The following UBR3 variants were observed in gnomAD, a reference collection of about 807,000 sequenced individuals.
UBR3 encodes the protein ubiquitin protein ligase E3 component n-recognin 3, also known as E3 ubiquitin-protein ligase UBR3.
Under a neutral mutation model 243.2 loss-of-function variants are expected in UBR3, and 85 were observed. That is an observed-to-expected ratio of 0.35 (90% CI 0.29 to 0.42). The LOEUF is 0.42. Among genes scored for constraint, UBR3 ranks in the 10% least tolerant of loss-of-function variants. UBR3 has a pLI of 1.00. For missense variants in UBR3, 1,686 were observed against 2,300.8 expected, an observed-to-expected ratio of 0.73 and a Z score of 5.47; for synonymous variants, 748 against 799.8, an observed-to-expected ratio of 0.94 and a Z score of 1.09.
chr2:169,883,370 C>T (rs995673051), intron 5 of UBR3, among the ~76,000 whole-genome samples: 2 of 152,136 alleles, frequency 1.3e-5, no homozygotes, highest in African/African-American at 2.4e-5. Context: ...TTCTCCCAGG[C>T]CAACAGCCCA....
At chr2:169,939,434 A>ATT (rs35441817) in intron 19 of UBR3, among the ~76,000 whole-genome samples, 8,289 of 141,554 alleles carry the variant, frequency 0.059, 449 homozygotes, top group African/African-American at 0.15. Context: ...AATTTTTTGT[A>ATT]TTTTTTTTTT....
intron 25 of UBR3, among the ~76,000 whole-genome samples, chr2:169,989,747 A>G (rs919932722): frequency 2.0e-5 from 3 of 152,176 alleles, no homozygotes; most frequent in African/African-American, 7.2e-5. Context: ...ATCATTTTCT[A>G]AAGATAATTA....
intron 11 of UBR3, among the ~76,000 whole-genome samples, chr2:169,920,244 C>T (rs57846182): frequency 0.057 from 8,695 of 152,120 alleles, 459 homozygotes; most frequent in African/African-American, 0.14. Flanking sequence ...CATGTTCTCA[C>T]TCATAGGTGG....
chr2:170,055,470 C>A lies in UBR3; in HGVS notation c.4671C>A (p.Thr1557=). Residue 1557 remains threonine (T), a synonymous_variant, in exon 33 of 39, where the codon ACC becomes ACA. Coordinates refer to ENST00000272793, the MANE Select transcript of UBR3 (RefSeq NM_172070.4). ...TTTTTTCTCTTGCAGACCACTTTAC[C>A]TGCATTGTGAAGGTACTTTTTACCC... ...MPQPLRKDHF[T]CIVKVLFTLL... 2 of 1,612,700 alleles carry A rather than the reference C, an allele frequency of 1.2e-6. No homozygotes were observed. The highest frequency in any genetic ancestry group is 1.7e-6 in the Non-Finnish European group (2 of 1,179,314).
rs925963246 is a variant in UBR3 at position 169,895,115 on chromosome 2, T to G, written c.1106-66T>G. The G allele has an allele frequency of 2.8e-6, 4 of 1,404,848 alleles. No individual in the cohort carries two copies. The African/African-American group carries it at 5.9e-5, about 21-fold the overall frequency. The allele number at this position is 1,404,848 out of a possible 1,614,324, so 87.0% of individuals were successfully genotyped here. A position where few individuals can be genotyped will look rare whatever the true frequency, so the allele number is the denominator to read the frequency against. The stretch of plus-strand genomic sequence containing the variant: ...CTTTCCCATTTTATGGTTTATGGGT[T>G]ATTAGTTATAAAATGAGATGAGCAA... On this transcript the variant is annotated intron_variant, in intron 6 of 38. Transcript: ENST00000272793.
chr2:170,065,967 G>C (rs1454279388), intron 35 of UBR3, among the ~76,000 whole-genome samples: 5 of 140,720 alleles, frequency 3.6e-5, no homozygotes, highest in Non-Finnish European at 6.1e-5. Flanking sequence ...TACGTATCCC[G>C]TGCCTTTTTT....
At chr2:170,015,902 T>G (rs995352477) in intron 30 of UBR3, among the ~76,000 whole-genome samples, 2 of 151,892 alleles carry the variant, frequency 1.3e-5, no homozygotes, top group South Asian at 4.1e-4. Flanking sequence ...TAATTTAAAG[T>G]AGATTTTTCA....
intron 33 of UBR3, among the ~76,000 whole-genome samples, chr2:170,060,264 T>G (rs1234809651): frequency 1.3e-5 from 2 of 152,128 alleles, no homozygotes; most frequent in Non-Finnish European, 2.9e-5. Flanking sequence ...AAGAACTGCA[T>G]TTCTTTATGT....
intron 24 of UBR3, among the ~76,000 whole-genome samples, chr2:169,959,355 T>TAATCTGAA (rs143357764): frequency 6.6e-6 from 1 of 151,578 alleles, no homozygotes; most frequent in African/African-American, 2.4e-5. Flanking sequence ...TGAGCACCCC[T>TAATCTGAA]AATCTGAAAA....
chr2:169,844,492 CTTTT>C (rs71006046), intron 1 of UBR3, among the ~76,000 whole-genome samples: 38 of 111,306 alleles, frequency 3.4e-4, no homozygotes, highest in Non-Finnish European at 4.5e-4. Context: ...AACCCTCTCT[CTTTT>C]TTTTTTTTTT....
intron 32 of UBR3, among the ~76,000 whole-genome samples, chr2:170,054,626 T>C (rs1463588178): frequency 6.6e-6 from 1 of 152,162 alleles, no homozygotes. Context: ...GGGGTCTGTG[T>C]TGCCCAGGCT....
chr2:170,065,494 G>C (rs950650297), intron 35 of UBR3, among the ~76,000 whole-genome samples: 4 of 152,074 alleles, frequency 2.6e-5, no homozygotes, highest in Non-Finnish European at 4.4e-5. Context: ...TCACCATGTT[G>C]GTCAGGCGGG....
At chr2:169,983,757 A>C (rs775930379) in intron 24 of UBR3, among the ~76,000 whole-genome samples, 1 of 152,228 alleles carries the variant, frequency 6.6e-6, no homozygotes, top group Non-Finnish European at 1.5e-5. Context: ...TGCTTCATTC[A>C]GATAGATTCT....
At chr2:169,897,862 T>C (rs1363548202) in intron 8 of UBR3, among the ~76,000 whole-genome samples, 2 of 152,204 alleles carry the variant, frequency 1.3e-5, no homozygotes, top group African/African-American at 4.8e-5. Flanking sequence ...ACTATTTATG[T>C]ATTGTTTCAA....
At chr2:169,927,493 AT>A (rs1280688802) in intron 17 of UBR3, 88 bp downstream of exon 17, 32 of 1,074,748 alleles carry the variant, frequency 3.0e-5, no homozygotes, top group East Asian at 8.2e-5. Flanking sequence ...TTTTTGATTA[AT>A]TTTTTTTCAA....
chr2:169,877,414 A>T, intron 3 of UBR3, 80 bp from the exon 4 acceptor site: 1 of 1,258,748 alleles, frequency 7.9e-7, no homozygotes. Flanking sequence ...TCACCTATTT[A>T]TAGATACTAG....
At chr2:169,856,501 T>A (rs1207599802) in intron 1 of UBR3, among the ~76,000 whole-genome samples, 1 of 152,130 alleles carries the variant, frequency 6.6e-6, no homozygotes, top group Non-Finnish European at 1.5e-5. Flanking sequence ...GTGGAGGTTG[T>A]AGCGAGCCGA....
intron 30 of UBR3, among the ~76,000 whole-genome samples, 161 bp downstream of exon 30, chr2:170,015,527 T>A (rs1330701276): frequency 1.3e-5 from 2 of 151,994 alleles, no homozygotes; most frequent in Admixed American, 1.3e-4. Context: ...CTTGGAAGAA[T>A]CATATGGATA....
At chr2:169,831,306 AT>A (rs917331065) in intron 1 of UBR3, among the ~76,000 whole-genome samples, 95 of 139,382 alleles carry the variant, frequency 6.8e-4, no homozygotes, top group African/African-American at 1.0e-3. Flanking sequence ...CACCCGGCTA[AT>A]TTTTTTTTTT....
Sources: gnomAD v4.1 joint callset for allele counts (sites outside exome capture counted in the v4.1 genomes callset) on GRCh38, gnomAD v4.1.1 for gene constraint, MANE v1.5 for transcripts, NCBI Gene and HGNC (gene_info 2026-07-23, HGNC 2026-07-21) for gene names.